MPPED2: variants seen among roughly 807,000 people sequenced by gnomAD.
MPPED2 encodes the protein metallophosphoesterase MPPED2.
A neutral mutation model predicts 33.0 loss-of-function variants in MPPED2; 5 were observed. That is an observed-to-expected ratio of 0.15 (90% CI 0.08 to 0.32). The LOEUF (loss-of-function observed/expected upper bound fraction) is 0.32. Ranked by LOEUF, MPPED2 falls within the 10% of genes least tolerant of loss-of-function variation. The pLI, the probability that MPPED2 is intolerant of heterozygous loss-of-function variation, is 1.00. For missense variants in MPPED2, 275 were observed against 372.1 expected (o/e 0.74, Z 2.15); for synonymous variants, 136 against 141.9 (o/e 0.96, Z 0.29).
chr11:30,392,087 A>G (rs1775855736), intron 6 of MPPED2, among the ~76,000 whole-genome samples: 1 of 152,352 alleles, frequency 6.6e-6, no homozygotes, highest in South Asian at 2.1e-4. Context: ...AGGTGTTCAA[A>G]CTATACTATT....
chr11:30,453,374 A>T (rs1950146042), intron 4 of MPPED2, among the ~76,000 whole-genome samples: 2 of 152,172 alleles, frequency 1.3e-5, no homozygotes, highest in South Asian at 4.1e-4. Flanking sequence ...AGTCTTTTTC[A>T]ACACTGATCT....
rs563852936 is a variant in MPPED2, at chr11:30,472,849, T to C, written c.536+22447A>G. Among the ~76,000 whole-genome samples the C allele has an allele frequency of 2.6e-5, 4 of 152,300 alleles. No homozygotes were observed. The East Asian group carries it at 5.8e-4, about 22-fold the overall frequency. On this transcript the variant is annotated intron_variant, in intron 4 of 6. Coordinates refer to ENST00000358117, the MANE Select transcript of MPPED2 (RefSeq NM_001584.3). ...GGTGACAATTGCACAACAATGTACA[T>C]GTACTTAATGCCACTTAAAATGGTT... is the stretch of plus-strand genomic sequence containing the variant.
At position 30,410,831 on chromosome 11, in the gene MPPED2, A is replaced by T; in HGVS notation, c.*637T>A. 1 of 985,820 alleles carries T rather than the reference A, an allele frequency of 1.0e-6. No individual in the cohort carries two copies. The highest frequency in any genetic ancestry group is 1.2e-6 in the Non-Finnish European group (1 of 829,894). 61.1% of individuals were successfully genotyped at this position (985,820 alleles called of 1,614,324 possible). ...AAAGCTGAAATAATTTAAAAGAAAC[A>T]AACAAACAATGAGACCTTGTATAAC... is the stretch of plus-strand genomic sequence containing the variant. On this transcript the variant is annotated 3_prime_UTR_variant, in exon 7 of 7. Transcript: ENST00000358117.
At chr11:30,476,110 G>T (rs921275229) in intron 4 of MPPED2, among the ~76,000 whole-genome samples, 1 of 151,686 alleles carries the variant, frequency 6.6e-6, no homozygotes, top group Non-Finnish European at 1.5e-5. Flanking sequence ...TTTATTAGTG[G>T]GTTGTAAGAC....
intron 2 of MPPED2, among the ~76,000 whole-genome samples, chr11:30,576,378 C>T (rs190774778): frequency 1.4e-4 from 21 of 152,194 alleles, no homozygotes; most frequent in East Asian, 3.9e-4. Context: ...CAACAGAAGG[C>T]GCAGATAAGG....
At chr11:30,475,921 T>C (rs1951171631) in intron 4 of MPPED2, among the ~76,000 whole-genome samples, 2 of 152,136 alleles carry the variant, frequency 1.3e-5, no homozygotes, top group Admixed American at 1.3e-4. Flanking sequence ...TGTTAGCTTT[T>C]TAAATTTTAG....
intron 2 of MPPED2, among the ~76,000 whole-genome samples, chr11:30,540,844 A>C (rs1213995137): frequency 6.6e-6 from 1 of 152,204 alleles, no homozygotes; most frequent in Non-Finnish European, 1.5e-5. Flanking sequence ...AATCTATTAT[A>C]ATCCCCGGAA....
intron 4 of MPPED2, among the ~76,000 whole-genome samples, chr11:30,428,676 T>C (rs538266505): frequency 1.2e-4 from 19 of 152,346 alleles, no homozygotes; most frequent in Middle Eastern, 6.8e-3. Context: ...CTTAGCAATA[T>C]GACCTTGGAC....
chr11:30,486,253 T>C (rs989005316), intron 4 of MPPED2, among the ~76,000 whole-genome samples: 1 of 152,176 alleles, frequency 6.6e-6, no homozygotes, highest in African/African-American at 2.4e-5. Flanking sequence ...AATGGGACTC[T>C]AGTGGGCTCA....
chr11:30,512,140 A>G (rs1470325289), intron 3 of MPPED2, among the ~76,000 whole-genome samples: 1 of 151,936 alleles, frequency 6.6e-6, no homozygotes, highest in Non-Finnish European at 1.5e-5. Flanking sequence ...TCCTATGAGA[A>G]CTCTATTGTC....
chr11:30,472,000 G>A (rs1950969576), intron 4 of MPPED2, among the ~76,000 whole-genome samples: 1 of 141,724 alleles, frequency 7.1e-6, no homozygotes, highest in African/African-American at 2.4e-5. Flanking sequence ...CGTGATTCTT[G>A]TCAATCCCAG....
intron 6 of MPPED2, among the ~76,000 whole-genome samples, chr11:30,412,760 A>C (rs1948167060): frequency 6.6e-6 from 1 of 152,122 alleles, no homozygotes; most frequent in Non-Finnish European, 1.5e-5. Flanking sequence ...TATGAATATG[A>C]TCTCCTCCCT....
At chr11:30,475,720 G>A (rs960218155) in intron 4 of MPPED2, among the ~76,000 whole-genome samples, 3 of 152,084 alleles carry the variant, frequency 2.0e-5, no homozygotes, top group Non-Finnish European at 2.9e-5. Flanking sequence ...GAATATTTGT[G>A]TACAAGTCTT....
Position 30,386,560 on chromosome 11 carries a change from G to A in MPPED2, c.*2329C>T, listed in dbSNP as rs78845938. 13,216 of 395,862 alleles carry A rather than the reference G, an allele frequency of 0.033. 2,004 individuals are homozygous for A. The East Asian group carries it at 0.36, about 11-fold the overall frequency. The allele number at this position is 395,862 out of a possible 1,614,324, so 24.5% of individuals were successfully genotyped here. ...TTCTTTATAAAATACCCAGTCTCAG[G>A]GATTCCTTTATGGCAGCAAAAACAG... On this transcript the variant is annotated 3_prime_UTR_variant, in exon 7 of 7. Coordinates refer to the MPPED2 transcript ENST00000448418.
At chr11:30,455,943 CACAG>C (rs1950262820) in intron 4 of MPPED2, among the ~76,000 whole-genome samples, 1 of 152,248 alleles carries the variant, frequency 6.6e-6, no homozygotes, top group South Asian at 2.1e-4. Context: ...TCCACTCTAA[CACAG>C]ACAGGACGCT....
At chr11:30,501,931 T>C (rs1952584007) in intron 3 of MPPED2, among the ~76,000 whole-genome samples, 1 of 152,156 alleles carries the variant, frequency 6.6e-6, no homozygotes, top group South Asian at 2.1e-4. Context: ...GGTTTGAAGC[T>C]GTGCTCCGTG....
Position 30,471,640 on chromosome 11 carries a change from T to C in MPPED2, c.536+23656A>G, listed in dbSNP as rs186407410. 4.6e-4 allele frequency among the ~76,000 whole-genome samples: 70 copies of C among 152,348 alleles called. No individual in the cohort carries two copies. The East Asian group carries it at 0.01, about 23-fold the overall frequency. On this transcript the variant is annotated intron_variant, in intron 4 of 6. Transcript: ENST00000358117. ...CTGTTAAATGATCTACTTCTCTCTC[T>C]CTTTTACTAAGAGGCTAATAAGGTT...
intron 4 of MPPED2, among the ~76,000 whole-genome samples, chr11:30,438,537 G>A (rs1949422736): frequency 6.6e-6 from 1 of 152,242 alleles, no homozygotes; most frequent in African/African-American, 2.4e-5. Flanking sequence ...GAATCTATGT[G>A]CCATGTGCTG....
intron 4 of MPPED2, chr11:30,468,920 C>T (rs1950833934): frequency 6.6e-6 from 1 of 152,140 alleles, no homozygotes; most frequent in Non-Finnish European, 1.5e-5. Flanking sequence ...CATAGCCAGC[C>T]CTCCCTACAC....
Sources: gnomAD v4.1 joint callset for allele counts (sites outside exome capture counted in the v4.1 genomes callset) on GRCh38, gnomAD v4.1.1 for gene constraint, MANE v1.5 for transcripts, NCBI Gene and HGNC (gene_info 2026-07-23, HGNC 2026-07-21) for gene names.